KCTD1: variants seen among roughly 807,000 people sequenced by gnomAD.
The protein encoded by KCTD1 is potassium channel tetramerization domain containing 1.
In KCTD1, 24 loss-of-function variants were observed where a neutral mutation model predicts 66.0. The observed-to-expected ratio is 0.36, with a 90% confidence interval of 0.26 to 0.51. The LOEUF is 0.51. Among genes scored for constraint, KCTD1 ranks in the 20% least tolerant of loss-of-function variants. The pLI is 0.95. For missense variants in KCTD1, 943 were observed against 1,205.2 expected, an observed-to-expected ratio of 0.78 and a Z score of 3.22; for synonymous variants, 511 against 517.2, an observed-to-expected ratio of 0.99 and a Z score of 0.16.
intron 1 of KCTD1, among the ~76,000 whole-genome samples, chr18:26,603,390 C>G (rs1399871248): frequency 6.6e-6 from 1 of 150,808 alleles, no homozygotes; most frequent in African/African-American, 2.4e-5. Context: ...CAAGATTGCC[C>G]CACTGCACTC....
chr18:26,651,748 T>C (rs4331407), intron 1 of KCTD1, among the ~76,000 whole-genome samples: 68,961 of 141,440 alleles, frequency 0.49, 16,989 homozygotes, highest in Non-Finnish European at 0.55. Context: ...CGAGCCACTG[T>C]ACTCCAGCCT....
chr18:26,610,589 G>A lies in KCTD1; in HGVS notation c.-16+18558C>T, dbSNP rs551141845. ...AGGCTCTAAGAAAGAGAGAGAGAGAGAAAGAAAGGAAGGAAGGAAGGAAGG... is the reference window on the plus strand; with the variant it reads ...AGGCTCTAAGAAAGAGAGAGAGAGAAAAAGAAAGGAAGGAAGGAAGGAAGG... On this transcript the variant is annotated intron_variant, in intron 1 of 4. Coordinates refer to the KCTD1 transcript ENST00000317932. 2.2e-5 allele frequency among the ~76,000 whole-genome samples: 3 copies of A among 138,560 alleles called. No individual in the cohort carries two copies. The East Asian group carries it at 6.9e-4, about 32-fold the overall frequency. The allele number at this position is 138,560 out of a possible 152,430, so 90.9% of individuals were successfully genotyped here.
intron 1 of KCTD1, among the ~76,000 whole-genome samples, chr18:26,594,742 C>T (rs1297139741): frequency 6.6e-6 from 1 of 152,150 alleles, no homozygotes; most frequent in Non-Finnish European, 1.5e-5. Flanking sequence ...ACATTTAAAT[C>T]AGTGGAGCAG....
intron 2 of KCTD1, among the ~76,000 whole-genome samples, chr18:26,493,419 T>C (rs1181663382): frequency 6.6e-6 from 1 of 152,048 alleles, no homozygotes; most frequent in Non-Finnish European, 1.5e-5. Flanking sequence ...GGGAAAAACA[T>C]GTAGGAATAA....
chr18:26,461,737 A>G (rs996838582), intron 3 of KCTD1, among the ~76,000 whole-genome samples: 1 of 152,272 alleles, frequency 6.6e-6, no homozygotes, highest in African/African-American at 2.4e-5. Context: ...AAGCAAGAGA[A>G]GCGAGAACTT....
At chr18:26,643,788 CT>C (rs1987879810), upstream of KCTD1, among the ~76,000 whole-genome samples, 1 of 152,142 alleles carries the variant, frequency 6.6e-6, no homozygotes, top group Admixed American at 6.5e-5. Context: ...CGATGAAACC[CT>C]GTCTCTACTA....
chr18:26,622,379 C>A (rs1280885146), intron 1 of KCTD1, among the ~76,000 whole-genome samples: 1 of 152,152 alleles, frequency 6.6e-6, no homozygotes, highest in African/African-American at 2.4e-5. Flanking sequence ...TGGATATCTA[C>A]CACAGACTCA....
At position 26,574,050 on chromosome 18, in the gene KCTD1, G is replaced by A. The variant is rs1986169660; in HGVS notation, c.-16+55097C>T. On this transcript the variant is annotated intron_variant, in intron 1 of 4. Coordinates refer to the KCTD1 transcript ENST00000317932. ...CTGACACGTGTTGGCCATACTTTGTGCCCCAGGTCCAGGGACCCTCTCACT... is the reference window on the plus strand; with the variant it reads ...CTGACACGTGTTGGCCATACTTTGTACCCCAGGTCCAGGGACCCTCTCACT... Among the ~76,000 whole-genome samples the A allele has an allele frequency of 5.3e-5, 8 of 152,060 alleles. No individual in the cohort carries two copies. In the South Asian group the frequency reaches 1.0e-3, roughly 20 times the overall value.
chr18:26,516,458 A>C (rs1983661674), intron 1 of KCTD1, among the ~76,000 whole-genome samples: 2 of 152,240 alleles, frequency 1.3e-5, no homozygotes, highest in South Asian at 4.2e-4. Context: ...AATCTGAAAG[A>C]TCCCTCTCTG....
chr18:26,539,370 G>A (rs972320663), intron 1 of KCTD1, among the ~76,000 whole-genome samples: 3 of 152,208 alleles, frequency 2.0e-5, no homozygotes, highest in African/African-American at 7.2e-5. Flanking sequence ...CACTGCCTAG[G>A]AGTCTTTTCA....
upstream of KCTD1, among the ~76,000 whole-genome samples, chr18:26,630,201 T>C (rs1987588253): frequency 6.6e-6 from 1 of 152,248 alleles, no homozygotes; most frequent in South Asian, 2.1e-4. Context: ...GCACACTACA[T>C]GAGTGATCAC....
chr18:26,644,610 T>C (rs1219013581), upstream of KCTD1, among the ~76,000 whole-genome samples: 1 of 151,970 alleles, frequency 6.6e-6, no homozygotes, highest in African/African-American at 2.4e-5. Flanking sequence ...ATACAAAAAT[T>C]AGCTGGGTGT....
chr18:26,618,186 C>T (rs773210373), intron 1 of KCTD1, among the ~76,000 whole-genome samples: 9 of 151,906 alleles, frequency 5.9e-5, no homozygotes, highest in Non-Finnish European at 1.2e-4. Context: ...TTCTCATCTG[C>T]TAAATAGGCA....
intron 2 of KCTD1, among the ~76,000 whole-genome samples, chr18:26,478,346 C>T (rs1193672094): frequency 6.6e-6 from 1 of 152,146 alleles, no homozygotes; most frequent in South Asian, 2.1e-4. Context: ...TATTTGTGCA[C>T]AGTCTGTCTG....
At chr18:26,573,799 T>C (rs1986163384) in intron 1 of KCTD1, among the ~76,000 whole-genome samples, 1 of 152,274 alleles carries the variant, frequency 6.6e-6, no homozygotes, top group South Asian at 2.1e-4. Flanking sequence ...CAATTCAATA[T>C]GTAAAACAAA....
At chr18:26,647,762 T>C (rs1444032937) in intron 1 of KCTD1, among the ~76,000 whole-genome samples, 1 of 152,044 alleles carries the variant, frequency 6.6e-6, no homozygotes, top group Non-Finnish European at 1.5e-5. Flanking sequence ...CATTGTGAGT[T>C]CCTGGAACTC....
chr18:26,513,846 G>A (rs999010532), intron 1 of KCTD1, among the ~76,000 whole-genome samples: 10 of 152,164 alleles, frequency 6.6e-5, no homozygotes, highest in Non-Finnish European at 1.0e-4. Context: ...TGAAATGAAG[G>A]GCATTCCAAA....
chr18:26,579,718 C>T (rs535840327), intron 1 of KCTD1, among the ~76,000 whole-genome samples: 78 of 152,116 alleles, frequency 5.1e-4, no homozygotes, highest in Middle Eastern at 3.4e-3. Flanking sequence ...TTAATAATGA[C>T]GAAATAGTCT....
At chr18:26,499,856 T>C (rs751594864) in intron 2 of KCTD1, among the ~76,000 whole-genome samples, 6 of 152,200 alleles carry the variant, frequency 3.9e-5, no homozygotes, top group Non-Finnish European at 5.9e-5. Flanking sequence ...CATGAATGCA[T>C]GCCTCCTCCC....
Sources: allele counts gnomAD v4.1 joint callset (sites outside exome capture counted in the v4.1 genomes callset), GRCh38; gene constraint gnomAD v4.1.1; transcripts MANE v1.5; gene names NCBI Gene and HGNC (gene_info 2026-07-23, HGNC 2026-07-21).